The following ASAH2 variants were observed in gnomAD, a reference collection of about 807,000 sequenced individuals.
ASAH2 encodes the protein N-acylsphingosine amidohydrolase 2, also known as neutral ceramidase.
In ASAH2, 58 loss-of-function variants were observed where a neutral mutation model predicts 82.9. That is an observed-to-expected ratio of 0.70 (90% CI 0.57 to 0.87). The LOEUF is 0.87. ASAH2 is among the 40% of genes least tolerant of loss of function. ASAH2 has a pLI of 0.00. For missense variants in ASAH2, 779 were observed against 834.0 expected, an observed-to-expected ratio of 0.93 and a Z score of 0.81; for synonymous variants, 276 against 289.7, an observed-to-expected ratio of 0.95 and a Z score of 0.48.
At chr10:50,243,531 CA>C (rs1404760072) in intron 3 of ASAH2, among the ~76,000 whole-genome samples, 180 bp from the exon 4 acceptor site, 1 of 152,042 alleles carries the variant, frequency 6.6e-6, no homozygotes, top group African/African-American at 2.4e-5. Context: ...CAAAGAAAGC[CA>C]AAAAATATCA....
chr10:50,236,099 G>C (rs1846153387), intron 4 of ASAH2, 35 bp from the exon 5 acceptor site: 4 of 1,583,056 alleles, frequency 2.5e-6, no homozygotes, highest in Middle Eastern at 1.7e-4. Flanking sequence ...TAAGAAGAGG[G>C]ATAACATAGG....
At chr10:50,236,127 G>A in intron 4 of ASAH2, 63 bp from the exon 5 acceptor site, 2 of 1,451,362 alleles carry the variant, frequency 1.4e-6, no homozygotes. Context: ...CATGAGAAAA[G>A]GCTTTGATGA....
intron 17 of ASAH2, among the ~76,000 whole-genome samples, chr10:50,198,101 A>G (rs1845037334): frequency 2.0e-5 from 3 of 152,068 alleles, no homozygotes. Context: ...GGCATATGAA[A>G]TTTTCAACGT....
chr10:50,205,835 AC>A, intron 13 of ASAH2, 146 bp downstream of exon 13: 1 of 708,948 alleles, frequency 1.4e-6, no homozygotes, highest in Non-Finnish European at 2.5e-6. Flanking sequence ...GAGTCATGGA[AC>A]CCATTTTTTA....
chr10:50,251,315 C>T lies in ASAH2; in HGVS notation c.-37+80G>A, dbSNP rs76397798. On this transcript the variant is annotated intron_variant, in intron 1 of 20. Transcript: ENST00000682911. ...ATGAGATAAATTGAAGCTTTAGGGT[C>T]TCTTCAAGATCTCTGAGACAATAGG... is the stretch of plus-strand genomic sequence containing the variant. Among the ~76,000 whole-genome samples the T allele has an allele frequency of 4.0e-3, 606 of 152,176 alleles. 3 individuals carry two copies. Among genetic ancestry groups the T allele is most frequent in the African/African-American group, 0.014 (563 of 41,550 alleles).
At chr10:50,194,982 G>A (rs1407633258) in intron 18 of ASAH2, among the ~76,000 whole-genome samples, 4 of 150,284 alleles carry the variant, frequency 2.7e-5, no homozygotes, top group African/African-American at 4.9e-5. Flanking sequence ...TGGTGTAGGC[G>A]ATGTTTTTTT....
At chr10:50,226,336 ATAT>A (rs1180466545) in intron 7 of ASAH2, among the ~76,000 whole-genome samples, 4 of 152,198 alleles carry the variant, frequency 2.6e-5, no homozygotes, top group African/African-American at 2.4e-5. Context: ...TTTAAGAAAA[ATAT>A]TATAAATGTG....
chr10:50,250,388 C>T (rs1355726245), intron 1 of ASAH2, among the ~76,000 whole-genome samples: 2 of 152,164 alleles, frequency 1.3e-5, no homozygotes, highest in Non-Finnish European at 2.9e-5. Context: ...CTTTCCTCAT[C>T]CACTTATCAC....
At chr10:50,232,532 G>T (rs1362943462) in intron 7 of ASAH2, among the ~76,000 whole-genome samples, 1 of 152,120 alleles carries the variant, frequency 6.6e-6, no homozygotes, top group African/African-American at 2.4e-5. Flanking sequence ...GTCAATTCCT[G>T]AGTCAGGCCA....
chr10:50,237,263 A>G (rs1431084548), intron 4 of ASAH2, among the ~76,000 whole-genome samples: 5 of 152,154 alleles, frequency 3.3e-5, no homozygotes, highest in Non-Finnish European at 5.9e-5. Context: ...ACTGTGATGC[A>G]AGGACACCCT....
chr10:50,237,563 G>A (rs938733851), intron 4 of ASAH2, among the ~76,000 whole-genome samples: 2 of 152,150 alleles, frequency 1.3e-5, no homozygotes, highest in African/African-American at 4.8e-5. Flanking sequence ...ATTTTTAGGC[G>A]ATTTGTTGTA....
chr10:50,211,165 C>T, intron 10 of ASAH2, 31 bp from the exon 11 acceptor site: 2 of 1,524,710 alleles, frequency 1.3e-6, no homozygotes, highest in South Asian at 2.2e-5. Context: ...TTATTCCAAG[C>T]AAAAAGGCTA....
intron 8 of ASAH2, among the ~76,000 whole-genome samples, chr10:50,217,178 C>T (rs1178019385): frequency 1.3e-5 from 2 of 151,972 alleles, no homozygotes; most frequent in African/African-American, 2.4e-5. Flanking sequence ...TCTCTTGCTT[C>T]CTCTTTCACA....
At position 50,248,472 on chromosome 10, in the gene ASAH2, C is replaced by T; in HGVS notation, c.127+12G>A. ...CCTAAAAATTGCATCTAAGAGAGCC[C>T]ATGACACTTGCCTTTGTGGTTTTCA... On this transcript the variant is annotated intron_variant, in intron 2 of 20. Coordinates refer to ENST00000682911, the MANE Select transcript of ASAH2 (RefSeq NM_019893.4). 3 of 1,612,952 alleles carry T rather than the reference C, an allele frequency of 1.9e-6. No individual in the cohort carries two copies. Among genetic ancestry groups the T allele is most frequent in the South Asian group, 1.1e-5 (1 of 90,840 alleles).
chr10:50,240,512 A>T, intron 4 of ASAH2: 1 of 702,290 alleles, frequency 1.4e-6, no homozygotes, highest in Non-Finnish European at 2.6e-6. Flanking sequence ...TGGTGTTTAC[A>T]TCACTCCGCC....
intron 14 of ASAH2, 95 bp from the exon 15 acceptor site, chr10:50,203,774 C>A (rs2133201517): frequency 2.0e-6 from 2 of 1,012,460 alleles, no homozygotes; most frequent in East Asian, 4.7e-5. Flanking sequence ...ATTACCCTGG[C>A]TCATCACACA....
At chr10:50,228,033 GA>G (rs1240381047) in intron 7 of ASAH2, among the ~76,000 whole-genome samples, 1 of 152,122 alleles carries the variant, frequency 6.6e-6, no homozygotes, top group African/African-American at 2.4e-5. Context: ...TATAGAAAAA[GA>G]AAGCAGGGGC....
At position 50,240,638 on chromosome 10, in the gene ASAH2, C is replaced by T. The variant is rs980864703; in HGVS notation, c.510+2564G>A. 1,094 of 701,440 alleles carry T rather than the reference C, an allele frequency of 1.6e-3. 4 individuals are homozygous for T. The highest frequency in any genetic ancestry group is 1.3e-3 in the Non-Finnish European group (516 of 384,324). 43.5% of individuals were successfully genotyped at this position (701,440 alleles called of 1,614,324 possible). A position where few individuals can be genotyped will look rare whatever the true frequency, so the allele number is the denominator to read the frequency against. ...TCCAGATACATCTCCAACTACATGC[C>T]TCCATATGTCCTAATAGATCTCCTC... On this transcript the variant is annotated intron_variant, in intron 4 of 20. Transcript: ENST00000682911.
chr10:50,235,817 C>A (rs1191474923), intron 5 of ASAH2, 71 bp downstream of exon 5: 2 of 1,524,634 alleles, frequency 1.3e-6, no homozygotes, highest in Non-Finnish European at 1.8e-6. Context: ...TTCTTTATAT[C>A]ACATCCAATC....
Sources: gnomAD v4.1 joint callset for allele counts (sites outside exome capture counted in the v4.1 genomes callset) on GRCh38, gnomAD v4.1.1 for gene constraint, MANE v1.5 for transcripts, NCBI Gene and HGNC (gene_info 2026-07-23, HGNC 2026-07-21) for gene names.